Variants in GALNT14 observed in about 807,000 individuals in gnomAD.
GALNT14 encodes UDP-GalNAc:polypeptide N-acetylgalactosaminyltransferase 14.
A neutral mutation model predicts 77.5 loss-of-function variants in GALNT14; 60 were observed. The ratio of observed to expected loss-of-function variants is 0.77; its 90% confidence interval spans 0.63 to 0.96. The LOEUF is 0.96. GALNT14 is among the 40% of genes least tolerant of loss of function. GALNT14 has a pLI of 0.00. For synonymous variants in GALNT14, 280 were observed against 281.7 expected, an observed-to-expected ratio of 0.99 and a Z score of 0.06; for missense variants, 710 against 731.0, an observed-to-expected ratio of 0.97 and a Z score of 0.33.
intron 7 of GALNT14, 23 bp downstream of exon 7, chr2:30,945,760 G>A (rs1248277995): frequency 6.3e-7 from 1 of 1,581,714 alleles, no homozygotes; most frequent in Non-Finnish European, 8.7e-7. Flanking sequence ...CCTTACTGGG[G>A]AGGAGGTGTT....
intron 3 of GALNT14, among the ~76,000 whole-genome samples, chr2:30,963,137 C>T (rs181537550): frequency 6.6e-6 from 1 of 152,172 alleles, no homozygotes. Flanking sequence ...GAAACAGGCT[C>T]TCTCAGCTAA....
At chr2:31,130,783 T>TGTGTGCGCGC (rs1181788023) in intron 1 of GALNT14, among the ~76,000 whole-genome samples, 34 of 118,668 alleles carry the variant, frequency 2.9e-4, no homozygotes, top group African/African-American at 1.2e-3. Flanking sequence ...TGTGTGTGTG[T>TGTGTGCGCGC]GCGCGCGCAC....
intron 2 of GALNT14, among the ~76,000 whole-genome samples, chr2:30,980,768 C>T (rs1486894243): frequency 6.6e-6 from 1 of 152,252 alleles, no homozygotes; most frequent in African/African-American, 2.4e-5. Context: ...TGGGAAAGCA[C>T]TTCGTGAAGT....
chr2:31,079,507 G>C (rs1254135946), intron 1 of GALNT14, among the ~76,000 whole-genome samples: 1 of 152,174 alleles, frequency 6.6e-6, no homozygotes, highest in Non-Finnish European at 1.5e-5. Flanking sequence ...GCCAGGTGGA[G>C]GTTGTTAAGG....
At chr2:31,134,842 C>T (rs1679157798) in intron 1 of GALNT14, among the ~76,000 whole-genome samples, 1 of 152,204 alleles carries the variant, frequency 6.6e-6, no homozygotes, top group Non-Finnish European at 1.5e-5. Flanking sequence ...GGAGGGATCC[C>T]ATTCCATTCT....
At chr2:30,924,657 C>T in intron 12 of GALNT14, 83 bp downstream of exon 12, 1 of 1,164,292 alleles carries the variant, frequency 8.6e-7, no homozygotes, top group Non-Finnish European at 1.3e-6. Flanking sequence ...TCCAGTTGGT[C>T]ATTGTCTGTC....
chr2:31,098,929 C>T (rs548307947), intron 1 of GALNT14, among the ~76,000 whole-genome samples: 4 of 152,152 alleles, frequency 2.6e-5, no homozygotes, highest in South Asian at 2.1e-4. Flanking sequence ...TCATCCTCAT[C>T]GTCACATACA....
intron 6 of GALNT14, among the ~76,000 whole-genome samples, chr2:30,950,784 C>T (rs1666980072): frequency 6.6e-6 from 1 of 152,178 alleles, no homozygotes; most frequent in Non-Finnish European, 1.5e-5. Context: ...GAAGGAGCGT[C>T]GGCAGCAGGC....
the GALNT14 span, among the ~76,000 whole-genome samples, chr2:30,901,281 A>G: frequency 1.5e-4 from 23 of 152,274 alleles, no homozygotes; most frequent in African/African-American, 4.3e-4. Flanking sequence ...ATCACTCAAG[A>G]GAGTGAGTCT....
intron 2 of GALNT14, among the ~76,000 whole-genome samples, chr2:30,969,853 G>A (rs1668239061): frequency 6.6e-6 from 1 of 152,208 alleles, no homozygotes; most frequent in Admixed American, 6.5e-5. Context: ...TGCTCTCACA[G>A]CATCAGCTTT....
intron 1 of GALNT14, among the ~76,000 whole-genome samples, chr2:31,004,952 T>C (rs971362240): frequency 2.6e-5 from 4 of 152,124 alleles, no homozygotes; most frequent in South Asian, 2.1e-4. Context: ...CACTGAGAAA[T>C]GTGAGCGAGA....
At chr2:31,026,670 G>A (rs72855299) in intron 1 of GALNT14, among the ~76,000 whole-genome samples, 6,265 of 152,260 alleles carry the variant, frequency 0.041, 429 homozygotes, top group African/African-American at 0.14. Context: ...ACTAACATGC[G>A]GGGAGACTGT....
At chr2:31,001,205 C>T (rs1322369872) in intron 1 of GALNT14, among the ~76,000 whole-genome samples, 1 of 152,070 alleles carries the variant, frequency 6.6e-6, no homozygotes, top group Non-Finnish European at 1.5e-5. Flanking sequence ...TGTTATCTAG[C>T]ACCACGGCAA....
chr2:31,048,163 G>T (rs1037453941), intron 1 of GALNT14, among the ~76,000 whole-genome samples: 2 of 152,368 alleles, frequency 1.3e-5, no homozygotes, highest in African/African-American at 4.8e-5. Flanking sequence ...GCCCAGAAGG[G>T]GATGTGCAGA....
chr2:31,105,594 C>A (rs1352078718), intron 1 of GALNT14, among the ~76,000 whole-genome samples: 1 of 152,002 alleles, frequency 6.6e-6, no homozygotes, highest in Non-Finnish European at 1.5e-5. Flanking sequence ...GGTGTGGTGG[C>A]CCATGCCTGT....
chr2:31,086,647 T>C (rs1300691220), intron 1 of GALNT14, among the ~76,000 whole-genome samples: 1 of 152,136 alleles, frequency 6.6e-6, no homozygotes, highest in East Asian at 1.9e-4. Flanking sequence ...AACTTAGTAA[T>C]ATCTTCAAAT....
intron 2 of GALNT14, among the ~76,000 whole-genome samples, chr2:30,971,449 C>T (rs917975967): frequency 2.6e-5 from 4 of 152,078 alleles, no homozygotes; most frequent in East Asian, 1.9e-4. Flanking sequence ...AACAGAATCC[C>T]GGGATCTCTA....
chr2:30,904,735 T>C, the GALNT14 span, among the ~76,000 whole-genome samples: 1 of 152,256 alleles, frequency 6.6e-6, no homozygotes, highest in Admixed American at 6.5e-5. Flanking sequence ...TGTCTGCCTC[T>C]GTAGGCTCCA....
intron 1 of GALNT14, among the ~76,000 whole-genome samples, chr2:31,033,512 T>C (rs568638568): frequency 6.6e-6 from 1 of 152,296 alleles, no homozygotes; most frequent in East Asian, 1.9e-4. Flanking sequence ...TATTTTTGCT[T>C]CCTTCATTTC....
Sources: gnomAD v4.1 joint callset for allele counts (sites outside exome capture counted in the v4.1 genomes callset) on GRCh38, gnomAD v4.1.1 for gene constraint, MANE v1.5 for transcripts, NCBI Gene and HGNC (gene_info 2026-07-23, HGNC 2026-07-21) for gene names.